Variants in TSFM observed in about 807,000 individuals in gnomAD.
The protein encoded by TSFM is elongation factor Ts, mitochondrial.
Under a neutral mutation model 33.4 loss-of-function variants are expected in TSFM, and 29 were observed. That is an observed-to-expected ratio of 0.87 (90% confidence interval 0.65 to 1.18). TSFM has a LOEUF of 1.18. TSFM is among the 50% of genes most tolerant of loss of function. The probability of loss-of-function intolerance (pLI) is 0.00; values close to 1 mark genes in which losing one functional copy is unlikely to be tolerated. For missense variants in TSFM, 394 were observed against 395.6 expected (o/e 1.00, Z 0.04); for synonymous variants, 178 against 163.5 (o/e 1.09, Z -0.68).
In TSFM at chr12:57,793,167, A is replaced by G. The variant is rs1955686981; in HGVS notation, c.571+94A>G. ...AATCTAGGTCAAGAATCATGTGCCT[A>G]CAAGGGTCAGATGATACGAACGTGA... is the stretch of plus-strand genomic sequence containing the variant. On this transcript the variant is annotated intron_variant, in intron 5 of 5. Coordinates refer to ENST00000652027, the MANE Select transcript of TSFM (RefSeq NM_005726.6). 5.6e-6 allele frequency: 6 copies of G among 1,074,040 alleles called. No individual in the cohort carries two copies. The South Asian group carries it at 6.8e-5, about 12-fold the overall frequency. 66.5% of individuals were successfully genotyped at this position (1,074,040 alleles called of 1,614,324 possible).
chr12:57,793,843 G>T (rs750531426), intron 5 of TSFM, among the ~76,000 whole-genome samples: 8 of 152,182 alleles, frequency 5.3e-5, no homozygotes, highest in Non-Finnish European at 1.2e-4. Context: ...AAGGTGGCAG[G>T]ACAATTGAGG....
Position 57,797,539 on chromosome 12 carries a change from T to G in TSFM, c.*956T>G. 3.2e-6 allele frequency: 3 copies of G among 937,614 alleles called. No homozygotes were observed. The highest frequency in any genetic ancestry group is 3.8e-6 in the Non-Finnish European group (3 of 785,828). 58.1% of individuals were successfully genotyped at this position (937,614 alleles called of 1,614,324 possible). A position where few individuals can be genotyped will look rare whatever the true frequency, so the allele number is the denominator to read the frequency against. On this transcript the variant is annotated 3_prime_UTR_variant, in exon 6 of 6. Coordinates refer to ENST00000652027, the MANE Select transcript of TSFM (RefSeq NM_005726.6). The stretch of plus-strand genomic sequence containing the variant: ...TCTTAAAATTGAAAACAAAGGTAGG[T>G]CCTGGTATAATATTAAACATAAAGT...
chr12:57,795,081 A>G (rs1955713968), intron 5 of TSFM, among the ~76,000 whole-genome samples: 1 of 137,100 alleles, frequency 7.3e-6, no homozygotes, highest in African/African-American at 2.7e-5. Flanking sequence ...CCATATATAT[A>G]TATATATGTA....
chr12:57,801,229 G>GA (rs750567285), downstream of TSFM: 10 of 1,607,626 alleles, frequency 6.2e-6, no homozygotes, highest in Non-Finnish European at 8.5e-6. Flanking sequence ...AGAAGAGAGA[G>GA]AAAACACAGG....
At chr12:57,783,602 T>A (rs1240034977) in intron 2 of TSFM, 1 of 566,180 alleles carries the variant, frequency 1.8e-6, no homozygotes, top group Admixed American at 2.2e-5. Context: ...TAGACTTTTT[T>A]TTTTTTTTTC....
chr12:57,782,791 C>T lies in TSFM; in HGVS notation c.-11C>T, dbSNP rs1955527869. ...TGCGCCCGCCGGAGGGTGTTTATCGCGGCTAGAGAGATGTCGCTGCTGCGG... is the reference window on the plus strand; with the variant it reads ...TGCGCCCGCCGGAGGGTGTTTATCGTGGCTAGAGAGATGTCGCTGCTGCGG... On this transcript the variant is annotated 5_prime_UTR_variant, in exon 1 of 6. Coordinates refer to ENST00000652027, the MANE Select transcript of TSFM (RefSeq NM_005726.6). 1 of 1,585,658 alleles carries T rather than the reference C, an allele frequency of 6.3e-7. No homozygotes were observed. Among genetic ancestry groups the T allele is most frequent in the Non-Finnish European group, 8.6e-7 (1 of 1,166,652 alleles).
intron 1 of TSFM, 30 bp downstream of exon 1, chr12:57,782,888 G>A (rs1212145912): frequency 1.9e-6 from 3 of 1,573,072 alleles, no homozygotes; most frequent in Admixed American, 1.8e-5. Flanking sequence ...GTACCGACCT[G>A]CTGTCCCTGC....
intron 5 of TSFM, among the ~76,000 whole-genome samples, chr12:57,795,625 G>GT (rs951810671): frequency 3.8e-4 from 57 of 151,380 alleles, no homozygotes; most frequent in East Asian, 2.5e-3. Context: ...TGTTTTTTTT[G>GT]TTTTTTTTGT....
chr12:57,783,734 C>T (rs1955548107), intron 2 of TSFM: 1 of 566,950 alleles, frequency 1.8e-6, no homozygotes, highest in Admixed American at 3.1e-5. Flanking sequence ...GTTGGGATTA[C>T]AGGCGTGCGC....
rs780011862 is a variant in TSFM at position 57,782,849 on chromosome 12, G to A, written c.48G>A (p.Gly16=). 84 of 1,593,982 alleles carry A rather than the reference G, an allele frequency of 5.3e-5. No homozygotes were observed. The highest frequency in any genetic ancestry group is 7.1e-5 in the Non-Finnish European group (83 of 1,171,142). The change falls in exon 1 of 6, where the codon GGG becomes GGA. Residue 16 remains glycine (G), a synonymous_variant. Coordinates refer to ENST00000652027, the MANE Select transcript of TSFM (RefSeq NM_005726.6). ...GCGTGTTTCTGGTCGCGCGGACCGGGAGCTACCCGGTGAGAAGTCCTGGTG... is the reference window on the plus strand; with the variant it reads ...GCGTGTTTCTGGTCGCGCGGACCGGAAGCTACCCGGTGAGAAGTCCTGGTG... The part of the protein sequence containing the change: ...SLRVFLVART[G]SYPAGSLLRQ...
downstream of TSFM, chr12:57,801,241 T>G: frequency 1.9e-6 from 3 of 1,597,102 alleles, no homozygotes; most frequent in Non-Finnish European, 2.6e-6. Context: ...AAACACAGGA[T>G]GAGGTCTTTC....
chr12:57,783,001 C>T, intron 1 of TSFM, 109 bp from the exon 2 acceptor site: 5 of 1,472,704 alleles, frequency 3.4e-6, no homozygotes, highest in African/African-American at 1.4e-5. Context: ...CCCCGGTGCA[C>T]CCCCCTTTGC....
At chr12:57,800,363 A>G (rs781263134), downstream of TSFM, 1 of 157,708 alleles carries the variant, frequency 6.3e-6, no homozygotes, top group African/African-American at 2.4e-5. Flanking sequence ...CAGAATTGCC[A>G]GATGGTTTGA....
At chr12:57,783,327 C>T (rs757507373) in intron 2 of TSFM, 44 bp downstream of exon 2, 3 of 1,611,388 alleles carry the variant, frequency 1.9e-6, no homozygotes, top group East Asian at 4.5e-5. Context: ...AGAGCTCGAC[C>T]TCAGACTCTT....
chr12:57,800,078 G>A (rs1023889711), downstream of TSFM: 18 of 966,938 alleles, frequency 1.9e-5, no homozygotes, highest in Non-Finnish European at 2.7e-5. Flanking sequence ...CTGCATGTCA[G>A]AATCATCTGG....
chr12:57,783,915 T>C (rs1028437113), intron 2 of TSFM: 3 of 702,130 alleles, frequency 4.3e-6, no homozygotes, highest in Non-Finnish European at 7.8e-6. Context: ...CGCGCCCGGC[T>C]GACTTTAGAC....
downstream of TSFM, chr12:57,801,294 A>G (rs1374012532): frequency 1.8e-6 from 2 of 1,134,814 alleles, no homozygotes; most frequent in African/African-American, 3.1e-5. Flanking sequence ...TGTCTTCAGG[A>G]AAAGCAAAAG....
At chr12:57,799,929 G>C, downstream of TSFM, 1 of 1,614,046 alleles carries the variant, frequency 6.2e-7, no homozygotes, top group Non-Finnish European at 8.5e-7. Context: ...TCCTAGGTAA[G>C]ATAAGAATGT....
downstream of TSFM, chr12:57,801,122 C>A: frequency 1.2e-6 from 2 of 1,610,982 alleles, no homozygotes; most frequent in Non-Finnish European, 1.7e-6. Context: ...GCTGGCTTCT[C>A]CCAAGAGCGA....
Sources: gnomAD v4.1 joint callset for allele counts (sites outside exome capture counted in the v4.1 genomes callset) on GRCh38, gnomAD v4.1.1 for gene constraint, MANE v1.5 for transcripts, NCBI Gene and HGNC (gene_info 2026-07-23, HGNC 2026-07-21) for gene names.